Variants in KNTC1 observed in about 807,000 individuals in gnomAD.
KNTC1 encodes kinetochore-associated protein 1.
Under a neutral mutation model 314.4 loss-of-function variants are expected in KNTC1, and 253 were observed. The observed-to-expected ratio is 0.80, with a 90% CI of 0.73 to 0.89. The LOEUF is 0.89. KNTC1 is among the 40% of genes least tolerant of loss of function. The pLI, the probability that KNTC1 is intolerant of heterozygous loss-of-function variation, is 0.00. For synonymous variants in KNTC1, 901 were observed against 901.4 expected (o/e 1.00, Z 0.01); for missense variants, 2,475 against 2,572.9 (o/e 0.96, Z 0.82).
At chr12:122,615,256 A>G (rs1410413265) in intron 56 of KNTC1, among the ~76,000 whole-genome samples, 170 bp downstream of exon 56, 2 of 152,234 alleles carry the variant, frequency 1.3e-5, no homozygotes, top group African/African-American at 4.8e-5. Context: ...CAGAGAGTGC[A>G]AAATCCAAAA....
intron 21 of KNTC1, among the ~76,000 whole-genome samples, chr12:122,569,161 A>G (rs1350096698): frequency 6.6e-6 from 1 of 152,184 alleles, no homozygotes; most frequent in Non-Finnish European, 1.5e-5. Flanking sequence ...AAAGTTAACC[A>G]AAAAAAGAGT....
intron 30 of KNTC1, 105 bp from the exon 31 acceptor site, chr12:122,577,567 T>TC: frequency 8.9e-7 from 1 of 1,123,560 alleles, no homozygotes; most frequent in South Asian, 1.9e-5. Context: ...AATCTGTTTT[T>TC]CCAAATGATG....
chr12:122,548,184 C>G (rs755823126), intron 12 of KNTC1, among the ~76,000 whole-genome samples: 14 of 151,974 alleles, frequency 9.2e-5, no homozygotes, highest in Non-Finnish European at 1.9e-4. Flanking sequence ...CCAAAAATGC[C>G]CATAGGAAAG....
rs1008616234 is a variant in KNTC1 at position 122,584,467 on chromosome 12, T to C, written c.3436+17T>C. The C allele has an allele frequency of 1.9e-6, 3 of 1,571,488 alleles. No homozygotes were observed. The African/African-American group carries it at 4.1e-5, about 21-fold the overall frequency. On this transcript the variant is annotated intron_variant, in intron 35 of 63. Transcript: ENST00000333479. Reference sequence around the variant, plus strand: ...GCAGTCCAGGTGACAATATTTATAATATACGTAGTTTTATATTCTCTGGTT... The same window carrying C: ...GCAGTCCAGGTGACAATATTTATAACATACGTAGTTTTATATTCTCTGGTT...
chr12:122,558,951 T>C (rs1010306642), intron 18 of KNTC1, among the ~76,000 whole-genome samples: 4 of 152,156 alleles, frequency 2.6e-5, no homozygotes, highest in Non-Finnish European at 4.4e-5. Context: ...AGGAAACCAC[T>C]AATTTACCTC....
At chr12:122,624,271 C>G (rs1015643458) in intron 62 of KNTC1, among the ~76,000 whole-genome samples, 2 of 129,720 alleles carry the variant, frequency 1.5e-5, no homozygotes, top group Non-Finnish European at 3.6e-5. Flanking sequence ...TTTTTCTTTT[C>G]TTTTCTTTTC....
chr12:122,558,529 C>T (rs1048274655), intron 18 of KNTC1, among the ~76,000 whole-genome samples: 15 of 150,142 alleles, frequency 1.0e-4, no homozygotes, highest in African/African-American at 2.5e-5. Flanking sequence ...TTCAGCCTGG[C>T]GACAGAGCAA....
chr12:122,575,451 T>C, intron 27 of KNTC1, 92 bp from the exon 28 acceptor site: 1 of 777,834 alleles, frequency 1.3e-6, no homozygotes, highest in Non-Finnish European at 2.2e-6. Flanking sequence ...ACCATGTGGT[T>C]GATGTAAGAC....
chr12:122,569,674 A>G lies in KNTC1; in HGVS notation c.1717-7A>G, dbSNP rs1413559519. On this transcript the variant is annotated splice_region_variant and splice_polypyrimidine_tract_variant and intron_variant, in intron 21 of 63. Coordinates refer to ENST00000333479, the MANE Select transcript of KNTC1 (RefSeq NM_014708.6). Reference sequence around the variant, plus strand: ...CAGATCTTAATTTCTCGCTCCTTATAATTTAGGCAAACTTTGAAAGCAGAT... The same window carrying G: ...CAGATCTTAATTTCTCGCTCCTTATGATTTAGGCAAACTTTGAAAGCAGAT... The G allele has an allele frequency of 5.0e-6, 8 of 1,606,626 alleles. No individual in the cohort carries two copies. Among genetic ancestry groups the G allele is most frequent in the South Asian group, 3.4e-5 (3 of 89,386 alleles).
At chr12:122,537,346 A>G (rs1212888206) in intron 3 of KNTC1, among the ~76,000 whole-genome samples, 2 of 151,238 alleles carry the variant, frequency 1.3e-5, no homozygotes, top group Admixed American at 6.6e-5. Context: ...CTGGCTCTAC[A>G]TTTTTTTCCC....
In KNTC1 at chr12:122,546,612, T is replaced by C. The variant is rs2137743226; in HGVS notation, c.764-10T>C. Reference sequence around the variant, plus strand: ...TAAAATCCTGAGACATCTTATTTTCTCTTTTGTAGGTGCAAAGAAGTTCCA... The same window carrying C: ...TAAAATCCTGAGACATCTTATTTTCCCTTTTGTAGGTGCAAAGAAGTTCCA... On this transcript the variant is annotated splice_polypyrimidine_tract_variant and intron_variant, in intron 9 of 63. Coordinates refer to ENST00000333479, the MANE Select transcript of KNTC1 (RefSeq NM_014708.6). 1.3e-6 allele frequency: 2 copies of C among 1,546,036 alleles called. No individual in the cohort carries two copies. The highest frequency in any genetic ancestry group is 4.6e-5 in the East Asian group (2 of 43,952).
chr12:122,610,378 C>T (rs1872991564), intron 52 of KNTC1, among the ~76,000 whole-genome samples: 1 of 152,244 alleles, frequency 6.6e-6, no homozygotes, highest in African/African-American at 2.4e-5. Flanking sequence ...TGCCCCACCC[C>T]TCCTCCAGCT....
Position 122,577,673 on chromosome 12 carries a change from G to C in KNTC1, c.2723G>C (p.Gly908Ala). 6.2e-7 allele frequency: 1 copy of C among 1,613,166 alleles called. No homozygotes were observed. The highest frequency in any genetic ancestry group is 8.5e-7 in the Non-Finnish European group (1 of 1,179,532). Reference sequence around the variant, plus strand: ...CTTCCTTTCAAACCCTGTTTATAGGGTGAAGACTGTCTCCTTCTGTTGAAG... The same window carrying C: ...CTTCCTTTCAAACCCTGTTTATAGGCTGAAGACTGTCTCCTTCTGTTGAAG... ...RIIDLIDREQ[G>A]EDCLLLLKSL... Residue 908 changes from glycine (G) to alanine (A), a missense_variant and splice_region_variant, in exon 31 of 64, where the codon GGT becomes GCT. By Grantham distance (60) the Gly-to-Ala change is moderately conservative. Coordinates refer to ENST00000333479, the MANE Select transcript of KNTC1 (RefSeq NM_014708.6).
chr12:122,568,396 T>G, intron 21 of KNTC1, 24 bp downstream of exon 21: 1 of 1,279,916 alleles, frequency 7.8e-7, no homozygotes, highest in Non-Finnish European at 1.1e-6. Flanking sequence ...CATTTTTTCC[T>G]TAACAGCTTT....
intron 38 of KNTC1, among the ~76,000 whole-genome samples, chr12:122,587,061 C>T (rs921059969): frequency 2.0e-5 from 3 of 152,190 alleles, no homozygotes; most frequent in African/African-American, 4.8e-5. Flanking sequence ...AGGTGATCCA[C>T]CCGCCTCAGC....
At chr12:122,577,270 T>C (rs979958726) in intron 30 of KNTC1, among the ~76,000 whole-genome samples, 2 of 152,162 alleles carry the variant, frequency 1.3e-5, no homozygotes, top group African/African-American at 4.8e-5. Flanking sequence ...TTAAATGTCA[T>C]TATTTTTATA....
At chr12:122,595,168 G>T (rs188603686) in intron 43 of KNTC1, among the ~76,000 whole-genome samples, 1 of 152,178 alleles carries the variant, frequency 6.6e-6, no homozygotes, top group South Asian at 2.1e-4. Flanking sequence ...GAGCCACTGC[G>T]CCTGAACAAG....
Position 122,624,652 on chromosome 12 carries a change from T to G in KNTC1, c.6570T>G (p.Pro2190=), listed in dbSNP as rs763156134. ...AATATTCAAAGCACTGCGGGAAACCTGTGCCTCCAGACACTGCTCCCTGTG... is the reference window on the plus strand; with the variant it reads ...AATATTCAAAGCACTGCGGGAAACCGGTGCCTCCAGACACTGCTCCCTGTG... ...ITEYSKHCGK[P]VPPDTAPCEI... Residue 2190 remains proline, a synonymous_variant, in exon 63 of 64, where the codon CCT becomes CCG. Transcript: ENST00000333479. The G allele has an allele frequency of 1.9e-6, 3 of 1,613,440 alleles. No homozygotes were observed. Among genetic ancestry groups the G allele is most frequent in the Admixed American group, 1.7e-5 (1 of 60,000 alleles).
chr12:122,603,433 G>A (rs944971182), intron 48 of KNTC1, among the ~76,000 whole-genome samples, 190 bp downstream of exon 48: 5 of 152,114 alleles, frequency 3.3e-5, no homozygotes, highest in African/African-American at 4.8e-5. Context: ...TCCTTGTGCC[G>A]CCTTTGGGGT....
Sources: allele counts gnomAD v4.1 joint callset (sites outside exome capture counted in the v4.1 genomes callset), GRCh38; gene constraint gnomAD v4.1.1; transcripts MANE v1.5; gene names NCBI Gene and HGNC (gene_info 2026-07-23, HGNC 2026-07-21).